Variants in AKAP10 observed in about 807,000 individuals in gnomAD.
AKAP10 encodes the protein A-kinase anchoring protein 10, also known as A-kinase anchor protein 10, mitochondrial.
Under a neutral mutation model 80.8 loss-of-function variants are expected in AKAP10, and 24 were observed. The observed-to-expected ratio is 0.30, with a 90% CI of 0.22 to 0.42. The LOEUF is 0.42. AKAP10 is among the 10% of genes least tolerant of loss of function. AKAP10 has a pLI of 1.00. For synonymous variants in AKAP10, 291 were observed against 277.7 expected, an observed-to-expected ratio of 1.05 and a Z score of -0.48; for missense variants, 661 against 794.9, an observed-to-expected ratio of 0.83 and a Z score of 2.03.
intron 4 of AKAP10, among the ~76,000 whole-genome samples, chr17:19,948,842 G>A (rs1053640550): frequency 1.3e-5 from 2 of 152,092 alleles, no homozygotes; most frequent in African/African-American, 4.8e-5. Context: ...ACACAGAAAG[G>A]CACATAAGCA....
intron 1 of AKAP10, 72 bp from the exon 2 acceptor site, chr17:19,968,533 G>C: frequency 3.2e-6 from 4 of 1,257,724 alleles, no homozygotes; most frequent in Non-Finnish European, 4.6e-6. Context: ...GTAAAAATTA[G>C]ACCAGCTTTA....
At chr17:19,917,142 G>A (rs1822126624) in intron 12 of AKAP10, among the ~76,000 whole-genome samples, 1 of 151,288 alleles carries the variant, frequency 6.6e-6, no homozygotes, top group South Asian at 2.1e-4. Context: ...GTGGACACCT[G>A]TAGTCCCAGC....
At chr17:19,952,468 A>C (rs1181154256) in intron 4 of AKAP10, among the ~76,000 whole-genome samples, 4 of 119,506 alleles carry the variant, frequency 3.3e-5, no homozygotes, top group East Asian at 4.3e-4. Context: ...CTGTCTCAAT[A>C]AATAAATAAA....
intron 4 of AKAP10, among the ~76,000 whole-genome samples, chr17:19,954,697 A>G (rs973489496): frequency 2.1e-4 from 31 of 148,386 alleles, no homozygotes; most frequent in African/African-American, 7.7e-4. Context: ...GTTTCACCGC[A>G]TTAGCCAGGA....
Position 19,964,881 on chromosome 17 carries a change from C to T in AKAP10, c.137-1859G>A, listed in dbSNP as rs140930109. Among the ~76,000 whole-genome samples the T allele has an allele frequency of 3.1e-3, 465 of 152,252 alleles. 1 individual carries two copies. The highest frequency in any genetic ancestry group is 9.2e-3 in the African/African-American group (381 of 41,548). On this transcript the variant is annotated intron_variant, in intron 2 of 14. Coordinates refer to ENST00000225737, the MANE Select transcript of AKAP10 (RefSeq NM_007202.4). ...CTGCCCTCCAGCCTGGGCAACAGAGCGAGAATCTGTCTCAGAAAAAACAAC... is the reference window on the plus strand; with the variant it reads ...CTGCCCTCCAGCCTGGGCAACAGAGTGAGAATCTGTCTCAGAAAAAACAAC...
intron 7 of AKAP10, among the ~76,000 whole-genome samples, chr17:19,940,378 T>G (rs1253279262): frequency 6.6e-6 from 1 of 152,194 alleles, no homozygotes; most frequent in Non-Finnish European, 1.5e-5. Context: ...GTCATTTGCT[T>G]TCCAACAAAA....
At chr17:19,956,835 T>C (rs554359993) in intron 4 of AKAP10, among the ~76,000 whole-genome samples, 7 of 152,000 alleles carry the variant, frequency 4.6e-5, no homozygotes, top group South Asian at 2.1e-4. Flanking sequence ...TGAAACCCCG[T>C]CTCTACTAAA....
chr17:19,954,863 G>A (rs2043256218), intron 4 of AKAP10, among the ~76,000 whole-genome samples: 1 of 151,888 alleles, frequency 6.6e-6, no homozygotes, highest in African/African-American at 2.4e-5. Flanking sequence ...AGGGCTCTTA[G>A]GTGTGACTCT....
intron 5 of AKAP10, among the ~76,000 whole-genome samples, chr17:19,942,131 C>G (rs1017073665): frequency 2.0e-5 from 3 of 152,100 alleles, no homozygotes; most frequent in African/African-American, 7.2e-5. Flanking sequence ...AAATTTAATT[C>G]CTATACATAG....
intron 5 of AKAP10, among the ~76,000 whole-genome samples, chr17:19,946,163 T>TACA (rs2043103211): frequency 8.9e-6 from 1 of 112,658 alleles, no homozygotes. Flanking sequence ...TATACTAATA[T>TACA]ATAATATATA....
At chr17:19,938,355 G>C (rs1214729391) in intron 8 of AKAP10, among the ~76,000 whole-genome samples, 1 of 151,402 alleles carries the variant, frequency 6.6e-6, no homozygotes, top group African/African-American at 2.4e-5. Flanking sequence ...TCCTTCCTCA[G>C]CCTCCTGAGT....
At chr17:19,936,770 G>C (rs1343609049) in intron 8 of AKAP10, among the ~76,000 whole-genome samples, 1 of 151,202 alleles carries the variant, frequency 6.6e-6, no homozygotes, top group Non-Finnish European at 1.5e-5. Context: ...TTGAGGACTT[G>C]ATAGATAGAA....
At chr17:19,925,959 T>G (rs2152412018) in intron 10 of AKAP10, among the ~76,000 whole-genome samples, 1 of 152,320 alleles carries the variant, frequency 6.6e-6, no homozygotes, top group South Asian at 2.1e-4. Flanking sequence ...TGTATGTCTA[T>G]CTTTGGAATG....
Position 19,939,727 on chromosome 17 carries a change from C to G in AKAP10, c.1308G>C (p.Met436Ile), listed in dbSNP as rs2043032060. Residue 436 changes from methionine to isoleucine, a missense_variant, in exon 8 of 15, where the codon ATG (methionine) becomes ATC (isoleucine). Transcript: ENST00000225737. ...ATATAACTCACTTGTCATATAAAAT[C>G]ATGGCATCATTCTGTGCCTCCTGTC... is the stretch of plus-strand genomic sequence containing the variant. ...YDGQEAQNDA[M>I]ILYDKYFSLQ... 1 of 1,613,464 alleles carries G rather than the reference C, an allele frequency of 6.2e-7. No individual in the cohort carries two copies. Among genetic ancestry groups the G allele is most frequent in the African/African-American group, 1.3e-5 (1 of 75,008 alleles).
At chr17:19,964,160 G>T (rs1050588739) in intron 2 of AKAP10, among the ~76,000 whole-genome samples, 1 of 152,166 alleles carries the variant, frequency 6.6e-6, no homozygotes, top group East Asian at 1.9e-4. Flanking sequence ...CAGTTTTCGT[G>T]TTCAGACAAG....
chr17:19,936,574 G>T, intron 8 of AKAP10, 144 bp from the exon 9 acceptor site: 1 of 784,658 alleles, frequency 1.3e-6, no homozygotes. Flanking sequence ...TGACAGTGCT[G>T]ATGTAACCTT....
rs184144857 is a variant in AKAP10 at position 19,957,513 on chromosome 17, C to T, written c.877+501G>A. On this transcript the variant is annotated intron_variant, in intron 4 of 14. Coordinates refer to ENST00000225737, the MANE Select transcript of AKAP10 (RefSeq NM_007202.4). ...CCGCGCCATTGCACTCCAGCCTGGG[C>T]GACAGAGCAAGACTCCATCTCAAAA... Among the ~76,000 whole-genome samples, 58 of 148,228 alleles carry T rather than the reference C, an allele frequency of 3.9e-4. No individual in the cohort carries two copies. In the East Asian group the frequency reaches 4.1e-3, roughly 10 times the overall value.
intron 1 of AKAP10, 132 bp from the exon 2 acceptor site, chr17:19,968,593 G>T: frequency 3.0e-6 from 2 of 671,108 alleles, no homozygotes; most frequent in Non-Finnish European, 5.0e-6. Context: ...CCTTGGAGGA[G>T]GGCACAGGAG....
At chr17:19,912,624 A>G (rs1321439683) in intron 12 of AKAP10, among the ~76,000 whole-genome samples, 1 of 152,148 alleles carries the variant, frequency 6.6e-6, no homozygotes, top group African/African-American at 2.4e-5. Flanking sequence ...AGGCTGAGGC[A>G]GAATTGCTTG....
Sources: gnomAD v4.1 joint callset for allele counts (sites outside exome capture counted in the v4.1 genomes callset) on GRCh38, gnomAD v4.1.1 for gene constraint, MANE v1.5 for transcripts, NCBI Gene and HGNC (gene_info 2026-07-23, HGNC 2026-07-21) for gene names.